The following MSI2 variants were observed in gnomAD, a reference collection of about 807,000 sequenced individuals.
MSI2 encodes the protein musashi RNA binding protein 2, also known as RNA-binding protein Musashi homolog 2.
MSI2 carries 17 observed loss-of-function variants against 45.6 expected under a neutral mutation model. That is an observed-to-expected ratio of 0.37 (90% confidence interval 0.26 to 0.56). MSI2 has a LOEUF of 0.56. MSI2 is among the 20% of genes least tolerant of loss of function. MSI2 has a pLI of 0.77. For synonymous variants in MSI2, 156 were observed against 158.2 expected (o/e 0.99, Z 0.11); for missense variants, 293 against 444.2 (o/e 0.66, Z 3.06).
At chr17:57,500,155 C>A (rs181903903) in intron 6 of MSI2, among the ~76,000 whole-genome samples, 2 of 152,014 alleles carry the variant, frequency 1.3e-5, no homozygotes, top group African/African-American at 2.4e-5. Context: ...ACGCTCAGGA[C>A]GGGTAGGAGG....
intron 10 of MSI2, among the ~76,000 whole-genome samples, chr17:57,647,683 C>T (rs1413511781): frequency 6.6e-6 from 1 of 151,474 alleles, no homozygotes; most frequent in Non-Finnish European, 1.5e-5. Context: ...CTCGCTCTGT[C>T]GCCCAGGCTG....
At chr17:57,256,459 GAT>G, upstream of MSI2, 1 of 225,944 alleles carries the variant, frequency 4.4e-6, no homozygotes, top group Admixed American at 5.9e-5. Flanking sequence ...AGGAGGAGGA[GAT>G]GGGGGTGGGG....
rs1007666382 is a variant in MSI2 at position 57,407,441 on chromosome 17, C to T, written c.405+5970C>T. On this transcript the variant is annotated intron_variant, in intron 6 of 13. Coordinates refer to ENST00000284073, the MANE Select transcript of MSI2 (RefSeq NM_138962.4). The surrounding 1 kb of genome is among the most constrained non-coding windows in gnomAD (Gnocchi z 4.1). ...GAAGATAAATAAGCCTGAGAGTGGA[C>T]TGTGATCCTCAGGTAGTGTTTTCTT... Among the ~76,000 whole-genome samples, 1 of 152,148 alleles carries T rather than the reference C, an allele frequency of 6.6e-6. No individual in the cohort carries two copies. Among genetic ancestry groups the T allele is most frequent in the Non-Finnish European group, 1.5e-5 (1 of 68,044 alleles).
intron 7 of MSI2, among the ~76,000 whole-genome samples, chr17:57,535,715 C>G (rs1435558337): frequency 6.6e-6 from 1 of 152,174 alleles, no homozygotes; most frequent in Non-Finnish European, 1.5e-5. Context: ...TGGTTTATCC[C>G]AGTTCCTGGG....
At chr17:57,645,345 C>T (rs924743858) in intron 10 of MSI2, among the ~76,000 whole-genome samples, 1 of 152,204 alleles carries the variant, frequency 6.6e-6, no homozygotes, top group East Asian at 1.9e-4. Context: ...AGTGGAGGGG[C>T]TGGCAGACTG....
At chr17:57,453,870 G>C (rs973698852) in intron 6 of MSI2, among the ~76,000 whole-genome samples, 3 of 152,174 alleles carry the variant, frequency 2.0e-5, no homozygotes, top group African/African-American at 7.2e-5. Context: ...TAACTTGTTT[G>C]AGATCAAAAA....
chr17:57,322,873 G>A (rs1162778496), intron 5 of MSI2, among the ~76,000 whole-genome samples: 1 of 152,148 alleles, frequency 6.6e-6, no homozygotes, highest in East Asian at 1.9e-4. Flanking sequence ...TTGACACCTG[G>A]GGGGTTCCCA....
chr17:57,477,969 C>A (rs913869114), intron 6 of MSI2, among the ~76,000 whole-genome samples: 1 of 152,244 alleles, frequency 6.6e-6, no homozygotes, highest in East Asian at 1.9e-4. Flanking sequence ...CAGCTATTCT[C>A]TCTTCTCCCC....
At chr17:57,325,416 C>G (rs1913700805) in intron 5 of MSI2, among the ~76,000 whole-genome samples, 1 of 152,172 alleles carries the variant, frequency 6.6e-6, no homozygotes, top group South Asian at 2.1e-4. Flanking sequence ...TTCATCCATG[C>G]AACTGAAAAC....
intron 9 of MSI2, among the ~76,000 whole-genome samples, chr17:57,625,395 C>G (rs568568811): frequency 6.6e-6 from 1 of 152,330 alleles, no homozygotes; most frequent in East Asian, 1.9e-4. Context: ...CACAAAAGCT[C>G]TGAGTAGGCA....
chr17:57,505,249 C>T (rs1013056162), intron 6 of MSI2, among the ~76,000 whole-genome samples: 1 of 152,142 alleles, frequency 6.6e-6, no homozygotes, highest in Admixed American at 6.5e-5. Flanking sequence ...TTCTTGCCAC[C>T]TTCTTGCATA....
At chr17:57,346,552 A>G (rs1249035369) in intron 5 of MSI2, among the ~76,000 whole-genome samples, 2 of 151,560 alleles carry the variant, frequency 1.3e-5, no homozygotes, top group African/African-American at 2.4e-5. Context: ...GAAGAACAAT[A>G]AATAATCTTT....
chr17:57,457,352 G>C (rs184944143), intron 6 of MSI2, among the ~76,000 whole-genome samples: 1 of 152,152 alleles, frequency 6.6e-6, no homozygotes, highest in African/African-American at 2.4e-5. Flanking sequence ...CTCCATGGCC[G>C]TACATGTGGC....
intron 5 of MSI2, among the ~76,000 whole-genome samples, chr17:57,394,380 G>T (rs1337958655): frequency 1.3e-5 from 2 of 152,166 alleles, no homozygotes; most frequent in Non-Finnish European, 2.9e-5. Context: ...CCTGCCATAA[G>T]ATTGACATGA....
At chr17:57,451,467 T>C (rs1231048210) in intron 6 of MSI2, among the ~76,000 whole-genome samples, 5 of 152,226 alleles carry the variant, frequency 3.3e-5, no homozygotes, top group African/African-American at 1.2e-4. Flanking sequence ...CAGCCCATCG[T>C]GGGCTCCCAG....
chr17:57,257,439 C>A (rs200139117), intron 2 of MSI2, 27 bp from the exon 3 acceptor site: 2 of 1,228,264 alleles, frequency 1.6e-6, no homozygotes, highest in Non-Finnish European at 2.4e-6. Flanking sequence ...CTCTCCCCCC[C>A]CCATCTCTCT....
At chr17:57,592,319 T>C (rs1248777186) in intron 7 of MSI2, among the ~76,000 whole-genome samples, 1 of 152,250 alleles carries the variant, frequency 6.6e-6, no homozygotes, top group East Asian at 1.9e-4. Context: ...CCATTGTTTT[T>C]GTCCTCCTCT....
At chr17:57,378,479 G>A (rs1410263149) in intron 5 of MSI2, among the ~76,000 whole-genome samples, 1 of 152,126 alleles carries the variant, frequency 6.6e-6, no homozygotes, top group South Asian at 2.1e-4. Flanking sequence ...GGCCAGGCTG[G>A]TGTCGATCTC....
At chr17:57,561,363 C>T (rs1193310806) in intron 7 of MSI2, among the ~76,000 whole-genome samples, 1 of 152,204 alleles carries the variant, frequency 6.6e-6, no homozygotes, top group East Asian at 1.9e-4. Context: ...CAGCCCCAAG[C>T]AGGCCCCAGA....
Sources: allele counts gnomAD v4.1 joint callset (sites outside exome capture counted in the v4.1 genomes callset), GRCh38; gene constraint gnomAD v4.1.1; non-coding constraint Gnocchi (gnomAD v3.1); transcripts MANE v1.5; gene names NCBI Gene and HGNC (gene_info 2026-07-23, HGNC 2026-07-21).